EMG1: variants seen among roughly 807,000 people sequenced by gnomAD.
EMG1 encodes ribosomal RNA small subunit methyltransferase NEP1.
Under a neutral mutation model 26.9 loss-of-function variants are expected in EMG1, and 24 were observed. The observed-to-expected ratio is 0.89, with a 90% confidence interval of 0.65 to 1.26. The LOEUF is 1.26. EMG1 is among the 50% of genes most tolerant of loss of function. EMG1 has a pLI of 0.00. For missense variants in EMG1, 299 were observed against 307.6 expected, an observed-to-expected ratio of 0.97 and a Z score of 0.21; for synonymous variants, 140 against 112.6, an observed-to-expected ratio of 1.24 and a Z score of -1.54.
At position 6,971,049 on chromosome 12, in the gene EMG1, G is replaced by A. The variant is rs17857448; in HGVS notation, c.126G>A (p.Arg42=). The A allele has an allele frequency of 1.9e-6, 3 of 1,611,610 alleles. No homozygotes were observed. Among genetic ancestry groups the A allele is most frequent in the Non-Finnish European group, 2.5e-6 (3 of 1,178,866 alleles). The part of the protein sequence containing the change: ...LGAGNKIGGR[R]LIVVLEGASL... The stretch of plus-strand genomic sequence containing the variant: ...CAGGAAACAAGATCGGAGGCCGTAG[G>A]CTTATTGTGGTGCTGGAAGGGGCCA... The change falls in exon 1 of 6, where the codon AGG becomes AGA. Residue 42 remains arginine, a synonymous_variant. Coordinates refer to ENST00000599672, the MANE Select transcript of EMG1 (RefSeq NM_006331.8).
At chr12:6,989,830 AGTT>A (rs1946570730), downstream of EMG1, among the ~76,000 whole-genome samples, 1 of 152,094 alleles carries the variant, frequency 6.6e-6, no homozygotes, top group Non-Finnish European at 1.5e-5. Context: ...TTAATCCTAA[AGTT>A]GTGAGGTTTC....
At chr12:6,988,147 T>C (rs1253173853) in intron 7 of EMG1, 1 of 233,720 alleles carries the variant, frequency 4.3e-6, no homozygotes, top group Non-Finnish European at 8.2e-6. Context: ...AGAGGCCTTG[T>C]GTGCTATTTC....
Position 6,976,913 on chromosome 12 carries a change from G to C in EMG1, c.*1104G>C. On this transcript the variant is annotated 3_prime_UTR_variant, in exon 6 of 6. Transcript: ENST00000599672. ...CCACCTGCAAGACAAGAGGAGTTTG[G>C]AAGGCTGGTTAGTTACTCCTGTAAT... 1 of 493,442 alleles carries C rather than the reference G, an allele frequency of 2.0e-6. No individual in the cohort carries two copies. The highest frequency in any genetic ancestry group is 3.3e-5 in the Admixed American group (1 of 30,486). The allele number at this position is 493,442 out of a possible 1,614,324, so 30.6% of individuals were successfully genotyped here. A position where few individuals can be genotyped will look rare whatever the true frequency, so the allele number is the denominator to read the frequency against.
At chr12:6,972,410 C>T (rs74781107) in intron 1 of EMG1, among the ~76,000 whole-genome samples, 6,665 of 151,766 alleles carry the variant, frequency 0.044, 237 homozygotes, top group African/African-American at 0.098. Context: ...TCCCTTTTTT[C>T]GCAGACTTTT....
chr12:6,984,071 A>G (rs1333871850), downstream of EMG1, among the ~76,000 whole-genome samples: 1 of 152,214 alleles, frequency 6.6e-6, no homozygotes, highest in Non-Finnish European at 1.5e-5. Flanking sequence ...GCACTGTATT[A>G]TCAGATTATG....
intron 7 of EMG1, among the ~76,000 whole-genome samples, chr12:6,993,950 CA>C (rs1946611894): frequency 6.6e-6 from 1 of 152,140 alleles, no homozygotes; most frequent in African/African-American, 2.4e-5. Flanking sequence ...CATCAGCTGA[CA>C]AACAACTGGG....
downstream of EMG1, chr12:6,980,899 C>T: frequency 8.5e-7 from 1 of 1,177,000 alleles, no homozygotes; most frequent in Non-Finnish European, 1.2e-6. Context: ...CTGCATGACT[C>T]AGGTCTCTAT....
rs781891224 is a variant in EMG1 at position 6,994,020 on chromosome 12, A to G, written c.*212-3205A>G. Among the ~76,000 whole-genome samples the G allele has an allele frequency of 3.3e-5, 5 of 152,370 alleles. No homozygotes were observed. In the East Asian group the frequency reaches 7.7e-4, roughly 23 times the overall value. On this transcript the variant is annotated intron_variant and NMD_transcript_variant, in intron 7 of 7. Coordinates refer to the EMG1 transcript ENST00000607161. ...TGCTACAAACATTCATGCATTTTGT[A>G]GAGACAGGGTCTCACTATGTTGCCT...
At chr12:6,973,951 A>C (rs1207610851) in intron 1 of EMG1, among the ~76,000 whole-genome samples, 1 of 152,242 alleles carries the variant, frequency 6.6e-6, no homozygotes, top group Non-Finnish European at 1.5e-5. Flanking sequence ...CTGCTCCTGT[A>C]ATAAACACAG....
At position 6,975,367 on chromosome 12, in the gene EMG1, GC is replaced by G; in HGVS notation, c.613del (p.His205MetfsTer53). ...TATTGTTTTTGTGGTAGGGGCCTTT[GC>G]CCATGGCAAGGTAAGGTCTGGGCTC... ...DPIVFVVGAFAHGKVSVEYTE... is the reference protein window; with the variant it reads ...DPIVFVVGAFXHGKVSVEYTE... On this transcript the variant is annotated frameshift_variant, in exon 5 of 6. Transcript: ENST00000599672. LOFTEE classifies it high-confidence loss of function. 6.3e-7 allele frequency: 1 copy of G among 1,599,566 alleles called. No individual in the cohort carries two copies. The highest frequency in any genetic ancestry group is 8.5e-7 in the Non-Finnish European group (1 of 1,172,402).
chr12:6,971,188 G>T, intron 1 of EMG1, 97 bp downstream of exon 1: 1 of 1,041,802 alleles, frequency 9.6e-7, no homozygotes, highest in Non-Finnish European at 1.4e-6. Flanking sequence ...AAAGCAGAGA[G>T]GGGTGAAAGA....
chr12:6,981,575 G>T, downstream of EMG1: 1 of 1,613,042 alleles, frequency 6.2e-7, no homozygotes, highest in Non-Finnish European at 8.5e-7. Flanking sequence ...GAACCTCTCT[G>T]CCGATGAATG....
Position 6,979,097 on chromosome 12 carries a change from C to CT in EMG1, c.*3290dup, listed in dbSNP as rs2138329346. 1 of 300,502 alleles carries CT rather than the reference C, an allele frequency of 3.3e-6. No homozygotes were observed. Among genetic ancestry groups the CT allele is most frequent in the African/African-American group, 2.2e-5 (1 of 46,224 alleles). The allele number at this position is 300,502 out of a possible 1,614,324, so 18.6% of individuals were successfully genotyped here. A position where few individuals can be genotyped will look rare whatever the true frequency, so the allele number is the denominator to read the frequency against. Reference sequence around the variant, plus strand: ...AGGAGCAAAAGCCAGCACTTCCCCCCTTCCCTTGGTTTCTGAATTCCCTAG... The same window carrying CT: ...AGGAGCAAAAGCCAGCACTTCCCCCCTTTCCCTTGGTTTCTGAATTCCCTAG... On this transcript the variant is annotated 3_prime_UTR_variant, in exon 6 of 6. Coordinates refer to ENST00000599672, the MANE Select transcript of EMG1 (RefSeq NM_006331.8).
At chr12:6,981,655 G>A (rs782800908), downstream of EMG1, 46 of 1,613,130 alleles carry the variant, frequency 2.9e-5, no homozygotes, top group Non-Finnish European at 3.8e-5. Flanking sequence ...AGAACGGATG[G>A]GTAGGGTGGT....
rs782361729 is a variant in EMG1, at chr12:6,978,303, G to A, written c.*2494G>A. 6.3e-7 allele frequency: 1 copy of A among 1,576,310 alleles called. No individual in the cohort carries two copies. The highest frequency in any genetic ancestry group is 8.6e-7 in the Non-Finnish European group (1 of 1,160,352). On this transcript the variant is annotated 3_prime_UTR_variant, in exon 6 of 6. Coordinates refer to ENST00000599672, the MANE Select transcript of EMG1 (RefSeq NM_006331.8). Reference sequence around the variant, plus strand: ...CTCCAATCTGGGAAGACAGTGGAAGGAAGGAACCAGGGTCCAGGCTCCCCA... The same window carrying A: ...CTCCAATCTGGGAAGACAGTGGAAGAAAGGAACCAGGGTCCAGGCTCCCCA...
chr12:6,975,917 T>C lies in EMG1; in HGVS notation c.*108T>C, dbSNP rs1555153122. The C allele has an allele frequency of 2.8e-6, 2 of 724,910 alleles. No individual in the cohort carries two copies. The highest frequency in any genetic ancestry group is 1.6e-5 in the South Asian group (1 of 60,938). 44.9% of individuals were successfully genotyped at this position (724,910 alleles called of 1,614,324 possible). A position where few individuals can be genotyped will look rare whatever the true frequency, so the allele number is the denominator to read the frequency against. The stretch of plus-strand genomic sequence containing the variant: ...TCTTTCTGCACTGAGACTGTGGAGT[T>C]TGGGGAAGCCAAGGCTGTACATTTG... On this transcript the variant is annotated 3_prime_UTR_variant, in exon 6 of 6. Transcript: ENST00000599672.
chr12:6,974,402 C>T lies in EMG1; in HGVS notation c.232C>T (p.Arg78Trp), dbSNP rs782179643. 196 of 1,613,694 alleles carry T rather than the reference C, an allele frequency of 1.2e-4. 1 individual carries two copies. The highest frequency in any genetic ancestry group is 4.2e-4 in the Admixed American group (25 of 59,982). ...KHKSILLKNG[R>W]DPGEARPDIT... ...CAAGTCTATATTGTTGAAGAATGGACGGGACCCTGGGGAAGCGCGGCCAGA... is the reference window on the plus strand; with the variant it reads ...CAAGTCTATATTGTTGAAGAATGGATGGGACCCTGGGGAAGCGCGGCCAGA... Residue 78 changes from arginine to tryptophan, a missense_variant, in exon 2 of 6, where the codon CGG becomes TGG. Physicochemically the swap from Arg to Trp is moderately radical, Grantham distance 101 (BLOSUM62 -3). Transcript: ENST00000599672.
At position 6,977,844 on chromosome 12, in the gene EMG1, T is replaced by C; in HGVS notation, c.*2035T>C. ...CACCCTGAGGATTGGATTGGAGTGC[T>C]GGTGGGTTCCCACGTGTAGCCCCCA... On this transcript the variant is annotated 3_prime_UTR_variant, in exon 6 of 6. Coordinates refer to ENST00000599672, the MANE Select transcript of EMG1 (RefSeq NM_006331.8). This position sits in a 1 kb window ranked among gnomAD's most constrained non-coding sequence, Gnocchi z 4.5. 6.9e-7 allele frequency: 1 copy of C among 1,450,310 alleles called. No individual in the cohort carries two copies. Among genetic ancestry groups the C allele is most frequent in the Non-Finnish European group, 9.6e-7 (1 of 1,045,456 alleles). 89.8% of individuals were successfully genotyped at this position (1,450,310 alleles called of 1,614,324 possible).
At chr12:6,974,816 C>G in intron 3 of EMG1, 123 bp downstream of exon 3, 1 of 1,060,020 alleles carries the variant, frequency 9.4e-7, no homozygotes, top group Admixed American at 2.0e-5. Flanking sequence ...TGATTAATAC[C>G]AGGACAAGGA....
Sources: allele counts gnomAD v4.1 joint callset (sites outside exome capture counted in the v4.1 genomes callset), GRCh38; gene constraint gnomAD v4.1.1; non-coding constraint Gnocchi (gnomAD v3.1); transcripts MANE v1.5; gene names NCBI Gene and HGNC (gene_info 2026-07-23, HGNC 2026-07-21).